The following STOX2 variants were observed in gnomAD, a reference collection of about 807,000 sequenced individuals.
The protein encoded by STOX2 is storkhead box 2, also known as storkhead-box protein 2.
A neutral mutation model predicts 60.9 loss-of-function variants in STOX2; 28 were observed. That is an observed-to-expected ratio of 0.46 (90% CI 0.34 to 0.63). The LOEUF is 0.63. Among genes scored for constraint, STOX2 ranks in the 30% least tolerant of loss-of-function variants. The probability of loss-of-function intolerance (pLI) is 0.01; values close to 1 mark genes in which losing one functional copy is unlikely to be tolerated. For synonymous variants in STOX2, 472 were observed against 463.9 expected, an observed-to-expected ratio of 1.02 and a Z score of -0.22; for missense variants, 1,024 against 1,187.7, an observed-to-expected ratio of 0.86 and a Z score of 2.03.
intron 1 of STOX2, among the ~76,000 whole-genome samples, chr4:183,986,520 T>G (rs953776157): frequency 2.0e-5 from 3 of 152,240 alleles, no homozygotes; most frequent in African/African-American, 7.2e-5. Context: ...AGACGTTTTA[T>G]TTAATAACAT....
chr4:183,829,216 A>T (rs371766453), intron 1 of STOX2, among the ~76,000 whole-genome samples: 2 of 152,230 alleles, frequency 1.3e-5, no homozygotes, highest in African/African-American at 4.8e-5. Flanking sequence ...ATTATATTTG[A>T]GGCATTTAGT....
chr4:183,890,388 C>A (rs1170573559), intron 1 of STOX2, among the ~76,000 whole-genome samples: 1 of 149,554 alleles, frequency 6.7e-6, no homozygotes, highest in Non-Finnish European at 1.5e-5. Flanking sequence ...GAGGCCGAGG[C>A]GGGAGAATTG....
intron 1 of STOX2, among the ~76,000 whole-genome samples, chr4:183,815,008 A>ATTTT (rs959492735): frequency 1.3e-5 from 2 of 150,886 alleles, no homozygotes; most frequent in African/African-American, 4.9e-5. Flanking sequence ...ATTTTATTTT[A>ATTTT]TTTTTTTTCA....
intron 1 of STOX2, among the ~76,000 whole-genome samples, chr4:183,815,968 G>C (rs1349629355): frequency 6.6e-6 from 1 of 152,082 alleles, no homozygotes; most frequent in African/African-American, 2.4e-5. Context: ...ATACGTGGTT[G>C]GACACCTGGA....
At chr4:183,979,545 A>G (rs908332404) in intron 1 of STOX2, among the ~76,000 whole-genome samples, 1 of 152,218 alleles carries the variant, frequency 6.6e-6, no homozygotes, top group African/African-American at 2.4e-5. Context: ...TCTGTCCAGC[A>G]TTGTAAATAC....
At chr4:183,954,718 G>A (rs566110177) in intron 1 of STOX2, among the ~76,000 whole-genome samples, 4 of 152,088 alleles carry the variant, frequency 2.6e-5, no homozygotes, top group East Asian at 1.9e-4. Context: ...TTGCCTGATC[G>A]CTTCCCCACC....
At position 183,865,594 on chromosome 4, in the gene STOX2, T is replaced by C. The variant is rs1225649980; in HGVS notation, c.364+67539T>C. Among the ~76,000 whole-genome samples the C allele has an allele frequency of 2.0e-5, 3 of 152,132 alleles. No individual in the cohort carries two copies. The highest frequency in any genetic ancestry group is 7.2e-5 in the African/African-American group (3 of 41,406). On this transcript the variant is annotated intron_variant, in intron 1 of 2. Transcript: ENST00000513034. The surrounding 1 kb of genome is among the most constrained non-coding windows in gnomAD (Gnocchi z 4.1). ...AGGAATGAGGATGGCTAATTTCAGG[T>C]GAGTCTGCAGGACCGTAGATAGAAA... is the stretch of plus-strand genomic sequence containing the variant.
chr4:183,924,064 C>T (rs180856158), intron 1 of STOX2, among the ~76,000 whole-genome samples: 1 of 152,136 alleles, frequency 6.6e-6, no homozygotes, highest in African/African-American at 2.4e-5. Flanking sequence ...TCAAAGCTCT[C>T]GAGGTGATTC....
intron 1 of STOX2, among the ~76,000 whole-genome samples, chr4:183,873,059 T>A (rs1165265527): frequency 1.3e-5 from 2 of 152,204 alleles, no homozygotes; most frequent in Non-Finnish European, 2.9e-5. Flanking sequence ...TTATTTTTAA[T>A]ACAAAGACAG....
rs749796785 is a variant in STOX2 at position 183,836,012 on chromosome 4, C to T, written c.364+37957C>T. 4.6e-5 allele frequency among the ~76,000 whole-genome samples: 7 copies of T among 151,988 alleles called. No individual in the cohort carries two copies. The highest frequency in any genetic ancestry group is 4.1e-4 in the South Asian group (2 of 4,828). On this transcript the variant is annotated intron_variant, in intron 1 of 2. Transcript: ENST00000513034. The surrounding 1 kb of genome is among the most constrained non-coding windows in gnomAD (Gnocchi z 4.1). The stretch of plus-strand genomic sequence containing the variant: ...TGTAAGGGTTCTGATTCCTCTCCAT[C>T]CTCACCAACACTTGTTACTGCCATT...
chr4:183,990,310 T>G (rs1733046490), intron 1 of STOX2, among the ~76,000 whole-genome samples: 1 of 152,194 alleles, frequency 6.6e-6, no homozygotes, highest in Non-Finnish European at 1.5e-5. Flanking sequence ...TCCTTGAAAC[T>G]CCCATTATAG....
At chr4:184,012,125 T>C (rs1734195662) in intron 3 of STOX2, among the ~76,000 whole-genome samples, 1 of 152,212 alleles carries the variant, frequency 6.6e-6, no homozygotes, top group Non-Finnish European at 1.5e-5. Flanking sequence ...TGTTAATAGG[T>C]GTTAGTTCAG....
chr4:183,826,745 T>TTC (rs1739443968), intron 1 of STOX2, among the ~76,000 whole-genome samples: 6 of 152,186 alleles, frequency 3.9e-5, no homozygotes, highest in Non-Finnish European at 8.8e-5. Context: ...CTACATAGAA[T>TTC]GTGTTTGGAC....
Position 183,846,145 on chromosome 4 carries a change from C to T in STOX2, c.364+48090C>T, listed in dbSNP as rs138117259. 1.8e-3 allele frequency among the ~76,000 whole-genome samples: 268 copies of T among 152,290 alleles called. 1 individual carries two copies. The highest frequency in any genetic ancestry group is 0.012 in the East Asian group (61 of 5,182). On this transcript the variant is annotated intron_variant, in intron 1 of 2. Transcript: ENST00000513034. ...TGTCATCCTATTGCCTTCTGGCCTC[C>T]GTGGCTTCTGATGAGAAATTAACTG... is the stretch of plus-strand genomic sequence containing the variant.
At chr4:183,986,316 T>A (rs545889737) in intron 1 of STOX2, among the ~76,000 whole-genome samples, 1 of 152,274 alleles carries the variant, frequency 6.6e-6, no homozygotes. Flanking sequence ...TCAGTAGCAG[T>A]TGGTGTGGAA....
chr4:183,846,571 A>C (rs1739995348), intron 1 of STOX2, among the ~76,000 whole-genome samples: 1 of 152,056 alleles, frequency 6.6e-6, no homozygotes, highest in Non-Finnish European at 1.5e-5. Flanking sequence ...TGCTTATGGT[A>C]CTTTTCAACT....
At chr4:183,964,668 C>G (rs1560908413) in intron 1 of STOX2, among the ~76,000 whole-genome samples, 1 of 152,148 alleles carries the variant, frequency 6.6e-6, no homozygotes, top group Non-Finnish European at 1.5e-5. Flanking sequence ...CTGCAACCCC[C>G]GCCTCCCAGG....
At chr4:183,801,205 A>G (rs1476989041) in intron 1 of STOX2, among the ~76,000 whole-genome samples, 1 of 152,218 alleles carries the variant, frequency 6.6e-6, no homozygotes, top group Non-Finnish European at 1.5e-5. Context: ...GGCATCTTCC[A>G]ATTCACTACT....
chr4:184,018,648 A>G lies in STOX2; in HGVS notation c.*1364A>G, dbSNP rs1734467894. ...GCTGGATGTGTAGTTAATTAGACCA[A>G]CTTATTTCCAAATGGTTTGTTAACA... is the stretch of plus-strand genomic sequence containing the variant. On this transcript the variant is annotated 3_prime_UTR_variant, in exon 4 of 4. Transcript: ENST00000308497. 6.6e-6 allele frequency: 1 copy of G among 152,176 alleles called. No homozygotes were observed. Among genetic ancestry groups the G allele is most frequent in the Non-Finnish European group, 1.5e-5 (1 of 68,030 alleles). The allele number at this position is 152,176 out of a possible 1,614,324, so 9.4% of individuals were successfully genotyped here.
Sources: allele counts gnomAD v4.1 joint callset (sites outside exome capture counted in the v4.1 genomes callset), GRCh38; gene constraint gnomAD v4.1.1; non-coding constraint Gnocchi (gnomAD v3.1); transcripts MANE v1.5; gene names NCBI Gene and HGNC (gene_info 2026-07-23, HGNC 2026-07-21).